Variants in SDK1 observed in about 807,000 individuals in gnomAD.
SDK1 encodes protein sidekick-1.
Under a neutral mutation model 245.5 loss-of-function variants are expected in SDK1, and 157 were observed. The observed-to-expected ratio is 0.64, with a 90% CI of 0.56 to 0.73. SDK1 has a LOEUF of 0.73. Among genes scored for constraint, SDK1 ranks in the 30% least tolerant of loss-of-function variants. The pLI is 0.00. For missense variants in SDK1, 3,583 were observed against 3,002.3 expected (o/e 1.19, Z -4.52); for synonymous variants, 1,647 against 1,278.5 (o/e 1.29, Z -6.15).
At chr7:3,513,670 G>A (rs1386891563) in intron 1 of SDK1, among the ~76,000 whole-genome samples, 1 of 152,070 alleles carries the variant, frequency 6.6e-6, no homozygotes, top group East Asian at 1.9e-4. Flanking sequence ...AGGTATACAT[G>A]TGCAAATTTG....
At chr7:3,567,280 C>T (rs574725594) in intron 1 of SDK1, among the ~76,000 whole-genome samples, 1 of 152,084 alleles carries the variant, frequency 6.6e-6, no homozygotes, top group African/African-American at 2.4e-5. Flanking sequence ...TCAGCGGCTT[C>T]GTGGGTTGTT....
intron 5 of SDK1, among the ~76,000 whole-genome samples, chr7:3,900,837 C>G (rs551090571): frequency 6.6e-5 from 10 of 152,078 alleles, no homozygotes; most frequent in Admixed American, 2.0e-4. Context: ...AATACTCCAG[C>G]GATCTTCAAC....
Position 3,388,626 on chromosome 7 carries a change from C to G in SDK1, c.298+86742C>G, listed in dbSNP as rs142302897. Among the ~76,000 whole-genome samples the G allele has an allele frequency of 2.8e-3, 420 of 152,188 alleles. 5 individuals carry two copies. Among genetic ancestry groups the G allele is most frequent in the African/African-American group, 9.7e-3 (404 of 41,508 alleles). On this transcript the variant is annotated intron_variant, in intron 1 of 44. Transcript: ENST00000404826. ...CATAAGTAGTAGTTGTGTGTACTTT[C>G]TAGTTTGAAACGTATAAGCTGTTTC...
chr7:3,618,476 G>C (rs1166436694), intron 1 of SDK1, among the ~76,000 whole-genome samples: 1 of 152,186 alleles, frequency 6.6e-6, no homozygotes, highest in South Asian at 2.1e-4. Context: ...ATTTACCTGT[G>C]TTGCTATGTG....
At chr7:4,095,844 C>T (rs1317436221) in intron 22 of SDK1, among the ~76,000 whole-genome samples, 2 of 152,302 alleles carry the variant, frequency 1.3e-5, no homozygotes, top group South Asian at 2.1e-4. Flanking sequence ...AAAGTGCTGG[C>T]ATTACAGGTG....
intron 1 of SDK1, among the ~76,000 whole-genome samples, chr7:3,522,828 T>TG (rs1782986877): frequency 1.3e-5 from 2 of 152,108 alleles, no homozygotes; most frequent in African/African-American, 2.4e-5. Flanking sequence ...TCCATTTTGA[T>TG]GGGGGGTGAG....
At chr7:3,793,913 G>A (rs1374350175) in intron 4 of SDK1, among the ~76,000 whole-genome samples, 1 of 152,108 alleles carries the variant, frequency 6.6e-6, no homozygotes, top group South Asian at 2.1e-4. Flanking sequence ...CGGGAGCAGG[G>A]TGCTCCCTGC....
At chr7:3,506,257 G>T (rs1782389529) in intron 1 of SDK1, among the ~76,000 whole-genome samples, 1 of 151,868 alleles carries the variant, frequency 6.6e-6, no homozygotes, top group South Asian at 2.1e-4. Flanking sequence ...AGGATTCCAG[G>T]GTGATAGTTT....
At position 3,432,586 on chromosome 7, in the gene SDK1, CAT is replaced by C. The variant is rs1400206020; in HGVS notation, c.298+130705_298+130706del. Among the ~76,000 whole-genome samples the C allele has an allele frequency of 2.6e-5, 4 of 152,034 alleles. No individual in the cohort carries two copies. The East Asian group carries it at 7.7e-4, about 29-fold the overall frequency. On this transcript the variant is annotated intron_variant, in intron 1 of 44. Transcript: ENST00000404826. ...AAAGATTACTACCGAAGGGAAGAAACATATTTTGCTAGGTTTCGCATAGAAAA... is the reference window on the plus strand; with the variant it reads ...AAAGATTACTACCGAAGGGAAGAAACATTTTGCTAGGTTTCGCATAGAAAA...
intron 20 of SDK1, among the ~76,000 whole-genome samples, chr7:4,074,922 T>A (rs865919247): frequency 0.014 from 1,581 of 115,072 alleles, 10 homozygotes; most frequent in South Asian, 0.019. Context: ...ATATATTTTT[T>A]TTTTTTTTTA....
intron 1 of SDK1, among the ~76,000 whole-genome samples, chr7:3,519,260 G>C (rs1278504227): frequency 1.3e-5 from 2 of 152,084 alleles, no homozygotes; most frequent in African/African-American, 4.8e-5. Context: ...AATGATTATG[G>C]TTTAAATATG....
chr7:4,074,861 T>C (rs1310405071), intron 20 of SDK1, among the ~76,000 whole-genome samples: 1 of 89,928 alleles, frequency 1.1e-5, no homozygotes, highest in Non-Finnish European at 2.0e-5. Context: ...AGACTTTCTC[T>C]CTCTCTCTCT....
chr7:3,390,104 A>T (rs897014961), intron 1 of SDK1, among the ~76,000 whole-genome samples: 31 of 152,070 alleles, frequency 2.0e-4, no homozygotes, highest in Admixed American at 1.2e-3. Flanking sequence ...TTAGGAGGAG[A>T]TTTCCAAGCA....
chr7:3,705,232 T>C (rs373991446), intron 4 of SDK1, among the ~76,000 whole-genome samples: 3 of 151,936 alleles, frequency 2.0e-5, no homozygotes, highest in South Asian at 2.1e-4. Context: ...AAAAATGATA[T>C]AGGTATTTTG....
At chr7:3,774,232 A>G (rs1421333401) in intron 4 of SDK1, among the ~76,000 whole-genome samples, 3 of 151,560 alleles carry the variant, frequency 2.0e-5, no homozygotes, top group East Asian at 1.9e-4. Context: ...AAAAAAAAAA[A>G]AGAATACTGG....
intron 1 of SDK1, among the ~76,000 whole-genome samples, chr7:3,543,778 C>T (rs1779124704): frequency 6.6e-6 from 1 of 152,064 alleles, no homozygotes; most frequent in Non-Finnish European, 1.5e-5. Context: ...TTGTGAATTC[C>T]ATTTTGGGTG....
At chr7:4,140,264 C>G (rs1370678436) in intron 28 of SDK1, among the ~76,000 whole-genome samples, 1 of 152,192 alleles carries the variant, frequency 6.6e-6, no homozygotes, top group Non-Finnish European at 1.5e-5. Flanking sequence ...CTCCCTGGGC[C>G]CACCTCAGCT....
At chr7:3,586,214 A>AG (rs1491159081) in intron 1 of SDK1, among the ~76,000 whole-genome samples, 1 of 152,004 alleles carries the variant, frequency 6.6e-6, no homozygotes, top group African/African-American at 2.4e-5. Flanking sequence ...GTGGAAAGGA[A>AG]GAGAGGTAGG....
chr7:4,144,111 A>G (rs1413137553), intron 28 of SDK1, among the ~76,000 whole-genome samples: 6 of 139,424 alleles, frequency 4.3e-5, no homozygotes, highest in Admixed American at 4.3e-4. Context: ...TACTCTCACT[A>G]CACAGGGGTG....
Sources: gnomAD v4.1 joint callset for allele counts (sites outside exome capture counted in the v4.1 genomes callset) on GRCh38, gnomAD v4.1.1 for gene constraint, MANE v1.5 for transcripts, NCBI Gene and HGNC (gene_info 2026-07-23, HGNC 2026-07-21) for gene names.